AGBL4: variants seen among roughly 807,000 people sequenced by gnomAD.
AGBL4 encodes the protein cytosolic carboxypeptidase 6.
Under a neutral mutation model 66.4 loss-of-function variants are expected in AGBL4, and 58 were observed. The ratio of observed to expected loss-of-function variants is 0.87; its 90% CI spans 0.71 to 1.09. AGBL4 has a LOEUF of 1.09. Ranked by LOEUF, AGBL4 falls within the 50% of genes least tolerant of loss-of-function variation. The probability of loss-of-function intolerance (pLI) is 0.00; values close to 1 mark genes in which losing one functional copy is unlikely to be tolerated. For missense variants in AGBL4, 579 were observed against 631.0 expected (o/e 0.92, Z 0.88); for synonymous variants, 234 against 222.9 (o/e 1.05, Z -0.44).
intron 3 of AGBL4, among the ~76,000 whole-genome samples, chr1:49,680,746 T>C (rs1646677447): frequency 6.6e-6 from 1 of 152,172 alleles, no homozygotes; most frequent in African/African-American, 2.4e-5. Context: ...TATAGGTTTA[T>C]GTATTTGCTA....
At chr1:48,849,601 C>T (rs1440525273) in intron 6 of AGBL4, among the ~76,000 whole-genome samples, 3 of 152,248 alleles carry the variant, frequency 2.0e-5, no homozygotes, top group African/African-American at 7.2e-5. Flanking sequence ...CACTGCTTCT[C>T]ACTATTTATC....
At chr1:48,578,236 T>G (rs2148327777) in intron 11 of AGBL4, among the ~76,000 whole-genome samples, 1 of 152,306 alleles carries the variant, frequency 6.6e-6, no homozygotes, top group Non-Finnish European at 1.5e-5. Context: ...TATGCTCTAG[T>G]GCAGGGACCT....
chr1:48,955,023 G>T (rs1657317425), intron 5 of AGBL4, among the ~76,000 whole-genome samples: 1 of 152,176 alleles, frequency 6.6e-6, no homozygotes, highest in African/African-American at 2.4e-5. Context: ...GGGGCGTAAA[G>T]CTATTAAGAG....
intron 3 of AGBL4, among the ~76,000 whole-genome samples, chr1:49,597,846 T>A (rs1187264670): frequency 6.6e-6 from 1 of 152,226 alleles, no homozygotes; most frequent in African/African-American, 2.4e-5. Flanking sequence ...GGAATGCTTG[T>A]GATTTTTGCA....
At chr1:49,146,300 T>C (rs947151157) in intron 4 of AGBL4, among the ~76,000 whole-genome samples, 20 of 152,224 alleles carry the variant, frequency 1.3e-4, no homozygotes, top group Non-Finnish European at 2.9e-5. Context: ...AGGGGATGGA[T>C]ACCCAATTTC....
At chr1:48,920,579 C>T (rs1465072223) in intron 5 of AGBL4, among the ~76,000 whole-genome samples, 1 of 152,136 alleles carries the variant, frequency 6.6e-6, no homozygotes, top group Non-Finnish European at 1.5e-5. Flanking sequence ...TTAAAAACAA[C>T]CCTATGAGGT....
At chr1:48,677,738 A>T (rs1347864101) in intron 6 of AGBL4, among the ~76,000 whole-genome samples, 1 of 142,048 alleles carries the variant, frequency 7.0e-6, no homozygotes, top group Middle Eastern at 3.2e-3. Flanking sequence ...CACCCAGATC[A>T]CAGCAAAGAG....
At chr1:48,837,741 A>ATATATGTATCTATC (rs1391171628) in intron 6 of AGBL4, among the ~76,000 whole-genome samples, 12 of 134,844 alleles carry the variant, frequency 8.9e-5, no homozygotes, top group African/African-American at 3.5e-4. Flanking sequence ...ATATATATAT[A>ATATATGTATCTATC]TCCTGTTAGT....
At chr1:49,139,661 G>A (rs1338502552) in intron 4 of AGBL4, among the ~76,000 whole-genome samples, 1 of 152,158 alleles carries the variant, frequency 6.6e-6, no homozygotes, top group African/African-American at 2.4e-5. Flanking sequence ...CTGGATAAAT[G>A]TGTCAAGTGA....
chr1:48,911,703 C>A (rs1176769168), intron 5 of AGBL4, among the ~76,000 whole-genome samples: 2 of 151,620 alleles, frequency 1.3e-5, no homozygotes, highest in Non-Finnish European at 2.9e-5. Flanking sequence ...AGATATTTAA[C>A]CCAACACCTA....
At chr1:48,899,197 C>T (rs76979220) in intron 5 of AGBL4, among the ~76,000 whole-genome samples, 4,227 of 152,274 alleles carry the variant, frequency 0.028, 185 homozygotes, top group African/African-American at 0.097. Flanking sequence ...CGTGGGCAGG[C>T]GGCTCAGTGC....
At chr1:49,428,669 G>T (rs1187952653) in intron 3 of AGBL4, among the ~76,000 whole-genome samples, 1 of 152,138 alleles carries the variant, frequency 6.6e-6, no homozygotes, top group South Asian at 2.1e-4. Context: ...TCTGTTTAGG[G>T]CAACACTCTA....
intron 4 of AGBL4, among the ~76,000 whole-genome samples, chr1:49,105,407 C>G (rs1303534790): frequency 1.3e-5 from 2 of 152,122 alleles, no homozygotes; most frequent in Non-Finnish European, 2.9e-5. Context: ...GTCCATGCCC[C>G]ACCTGTTACA....
chr1:49,716,934 C>G (rs1027642477), intron 2 of AGBL4, among the ~76,000 whole-genome samples: 28 of 152,026 alleles, frequency 1.8e-4, no homozygotes, highest in African/African-American at 2.4e-5. Flanking sequence ...CCAGGGCAAT[C>G]AGGCAAGAGA....
chr1:49,993,984 C>T (rs966048285), intron 1 of AGBL4, among the ~76,000 whole-genome samples: 5 of 152,138 alleles, frequency 3.3e-5, no homozygotes, highest in South Asian at 4.1e-4. Flanking sequence ...AAAACTTTCC[C>T]GATCAGTTTT....
intron 6 of AGBL4, among the ~76,000 whole-genome samples, chr1:48,771,261 G>A (rs1257292937): frequency 6.6e-6 from 1 of 152,146 alleles, no homozygotes; most frequent in African/African-American, 2.4e-5. Context: ...GAGCTTATAA[G>A]ACAAAGCAGG....
chr1:49,695,377 G>C (rs1646964042), intron 3 of AGBL4, among the ~76,000 whole-genome samples: 1 of 152,058 alleles, frequency 6.6e-6, no homozygotes, highest in Admixed American at 6.6e-5. Flanking sequence ...TGAAGTGAAA[G>C]ACTCAGTCTA....
chr1:49,603,568 AAATAAAC>A (rs1448492692), intron 3 of AGBL4, among the ~76,000 whole-genome samples: 2 of 151,420 alleles, frequency 1.3e-5, no homozygotes, highest in Non-Finnish European at 2.9e-5. Flanking sequence ...ATAAATAAAT[AAATAAAC>A]AAATAAATAG....
At chr1:49,864,309 CA>C (rs959001803) in intron 1 of AGBL4, among the ~76,000 whole-genome samples, 2 of 151,266 alleles carry the variant, frequency 1.3e-5, no homozygotes, top group African/African-American at 2.4e-5. Flanking sequence ...TTAATGGGTA[CA>C]AAAAAAACAA....
Sources: gnomAD v4.1 joint callset for allele counts (sites outside exome capture counted in the v4.1 genomes callset) on GRCh38, gnomAD v4.1.1 for gene constraint, MANE v1.5 for transcripts, NCBI Gene and HGNC (gene_info 2026-07-23, HGNC 2026-07-21) for gene names.